KCNC4: variants seen among roughly 807,000 people sequenced by gnomAD.
The protein encoded by KCNC4 is potassium voltage-gated channel subfamily C member 4.
Under a neutral mutation model 42.8 loss-of-function variants are expected in KCNC4, and 23 were observed. The ratio of observed to expected loss-of-function variants is 0.54; its 90% CI spans 0.39 to 0.76. KCNC4 has a LOEUF of 0.76. Among genes scored for constraint, KCNC4 ranks in the 30% least tolerant of loss-of-function variants. KCNC4 has a pLI of 0.00. For missense variants in KCNC4, 751 were observed against 898.2 expected (o/e 0.84, Z 2.10); for synonymous variants, 422 against 393.5 (o/e 1.07, Z -0.86).
chr1:110,217,694 C>G (rs937277271), intron 1 of KCNC4, among the ~76,000 whole-genome samples: 1 of 152,170 alleles, frequency 6.6e-6, no homozygotes, highest in Non-Finnish European at 1.5e-5. Context: ...GTTCTGGACA[C>G]TGGGACCAGA....
Position 110,260,753 on chromosome 1 carries a change from A to G in KCNC4, n.31-21781A>G, listed in dbSNP as rs547612722. On this transcript the variant is annotated intron_variant and non_coding_transcript_variant, in intron 1 of 2. Coordinates refer to the KCNC4 transcript ENST00000412512. ...AGACAATCCTGGCTAACACGGTGAAACCCCATCTCTACTAAAAATACAAAA... is the reference window on the plus strand; with the variant it reads ...AGACAATCCTGGCTAACACGGTGAAGCCCCATCTCTACTAAAAATACAAAA... Among the ~76,000 whole-genome samples the G allele has an allele frequency of 1.4e-4, 22 of 152,256 alleles. No individual in the cohort carries two copies. In the East Asian group the frequency reaches 4.2e-3, roughly 29 times the overall value.
chr1:110,253,047 G>A (rs1293630110), downstream of KCNC4, among the ~76,000 whole-genome samples: 2 of 151,978 alleles, frequency 1.3e-5, no homozygotes, highest in Admixed American at 1.3e-4. Context: ...CTTTTGCTAG[G>A]TCTCCTCCAC....
intron 2 of KCNC4, chr1:110,224,204 G>A (rs1175598134): frequency 8.6e-6 from 3 of 350,714 alleles, no homozygotes; most frequent in East Asian, 9.5e-5. Context: ...CCACTGTGCT[G>A]TGTGCCCTGA....
At chr1:110,249,389 TGAGGA>T (rs1659213240), downstream of KCNC4, among the ~76,000 whole-genome samples, 2 of 152,214 alleles carry the variant, frequency 1.3e-5, 1 homozygote, top group Admixed American at 1.3e-4. Flanking sequence ...GCAAATTCCT[TGAGGA>T]GAGAAGCTGT....
At chr1:110,231,631 G>A (rs1425735811) in intron 3 of KCNC4, among the ~76,000 whole-genome samples, 1 of 152,194 alleles carries the variant, frequency 6.6e-6, no homozygotes. Flanking sequence ...GTCCCCTAAT[G>A]AGTGGGGATC....
chr1:110,236,578 A>G (rs141222911), downstream of KCNC4: 102 of 152,364 alleles, frequency 6.7e-4, no homozygotes, highest in African/African-American at 2.4e-3. Context: ...CACCCCACAC[A>G]CACATAAAGC....
chr1:110,220,552 TCA>T (rs1200191195), intron 1 of KCNC4: 4 of 142,610 alleles, frequency 2.8e-5, no homozygotes, highest in Non-Finnish European at 6.1e-5. Flanking sequence ...AACTTCACGC[TCA>T]GTTTCCCAGG....
intron 1 of KCNC4, among the ~76,000 whole-genome samples, chr1:110,280,898 G>T (rs1391791201): frequency 6.6e-6 from 1 of 152,124 alleles, no homozygotes. Flanking sequence ...CCAAATTGCT[G>T]TGTCACATTC....
chr1:110,231,550 A>T (rs981647491), intron 3 of KCNC4, among the ~76,000 whole-genome samples: 5 of 152,042 alleles, frequency 3.3e-5, no homozygotes, highest in Non-Finnish European at 5.9e-5. Flanking sequence ...TAGACCCCTC[A>T]GTAGCCCAGG....
rs1659142332 is a variant in KCNC4 at position 110,246,222 on chromosome 1, CAGA to C, written c.*13916_*13918del. ...TCATCTTGCAGCCTTTTCCAGATCC[CAGA>C]AGGAGTCTTTACTCCATCCTGACCT... On this transcript the variant is annotated 3_prime_UTR_variant, in exon 4 of 4. Transcript: ENST00000369787. The C allele has an allele frequency of 5.9e-5, 9 of 152,342 alleles. No individual in the cohort carries two copies. In the Middle Eastern group the frequency reaches 0.02, roughly 345 times the overall value. 9.4% of individuals were successfully genotyped at this position (152,342 alleles called of 1,614,324 possible).
downstream of KCNC4, among the ~76,000 whole-genome samples, chr1:110,251,154 C>A (rs1659243784): frequency 6.6e-6 from 1 of 152,270 alleles, no homozygotes; most frequent in East Asian, 1.9e-4. Flanking sequence ...GCCCCAACAT[C>A]ACTGCATGCT....
downstream of KCNC4, among the ~76,000 whole-genome samples, chr1:110,252,629 C>T (rs1296005287): frequency 2.0e-5 from 3 of 152,196 alleles, no homozygotes; most frequent in Non-Finnish European, 4.4e-5. Context: ...CCCTGCCTCC[C>T]GAGAATGGCT....
At chr1:110,217,324 A>G (rs1657851288) in intron 1 of KCNC4, among the ~76,000 whole-genome samples, 1 of 152,170 alleles carries the variant, frequency 6.6e-6, no homozygotes, top group Non-Finnish European at 1.5e-5. Flanking sequence ...CTAGAAGTTG[A>G]ATTGGGTGGG....
chr1:110,223,135 A>C lies in KCNC4; in HGVS notation c.850A>C (p.Ile284Leu). The C allele has an allele frequency of 6.2e-7, 1 of 1,614,184 alleles. No individual in the cohort carries two copies. Among genetic ancestry groups the C allele is most frequent in the Non-Finnish European group, 8.5e-7 (1 of 1,180,022 alleles). The change falls in exon 2 of 4, where the codon ATC becomes CTC. Residue 284 changes from isoleucine to leucine, a missense_variant. Ile to Leu is a conservative substitution (Grantham distance 5). This residue lies in a region of KCNC4 where 181 missense variants were observed against 167.3 expected (regional missense o/e 1.08). Coordinates refer to ENST00000438661, the MANE Select transcript of KCNC4 (RefSeq NM_001039574.3). This position sits in a 1 kb window ranked among gnomAD's most constrained non-coding sequence, Gnocchi z 7.5. Reference protein sequence around the residue: ...EVETEPILTYIEGVCVLWFTL... With the variant: ...EVETEPILTYLEGVCVLWFTL... ...AGAGACAGAGCCCATCCTGACCTAC[A>C]TCGAGGGCGTATGTGTGCTGTGGTT...
At chr1:110,219,112 C>T (rs766411855) in intron 1 of KCNC4, among the ~76,000 whole-genome samples, 9 of 152,202 alleles carry the variant, frequency 5.9e-5, no homozygotes, top group Non-Finnish European at 1.0e-4. Context: ...AGCACTCCTC[C>T]CTGGGCCTCA....
rs551622995 is a variant in KCNC4 at position 110,263,825 on chromosome 1, G to C, written n.31-18709G>C. Among the ~76,000 whole-genome samples, 43 of 72,280 alleles carry C rather than the reference G, an allele frequency of 5.9e-4. No homozygotes were observed. The East Asian group carries it at 0.014, about 23-fold the overall frequency. The allele number at this position is 72,280 out of a possible 152,430, so 47.4% of individuals were successfully genotyped here. On this transcript the variant is annotated intron_variant and non_coding_transcript_variant, in intron 1 of 2. Transcript: ENST00000412512. Reference sequence around the variant, plus strand: ...CAATCTCTAGCAAGCTTTCAGTGAGGGGGGGGAGCTGAATGGGGGTCTCCA... The same window carrying C: ...CAATCTCTAGCAAGCTTTCAGTGAGCGGGGGGAGCTGAATGGGGGTCTCCA...
intron 1 of KCNC4, among the ~76,000 whole-genome samples, chr1:110,280,314 ATTCTGCGTGC>A (rs1315780773): frequency 2.0e-5 from 3 of 152,026 alleles, no homozygotes; most frequent in Non-Finnish European, 2.9e-5. Context: ...AAACAGAGAG[ATTCTGCGTGC>A]TTGTGCTTGG....
chr1:110,257,129 T>G (rs536486043), intron 1 of KCNC4, among the ~76,000 whole-genome samples: 2 of 152,352 alleles, frequency 1.3e-5, no homozygotes, highest in South Asian at 4.1e-4. Context: ...TCCAAGTTAT[T>G]TTTAGAAGAA....
intron 1 of KCNC4, among the ~76,000 whole-genome samples, chr1:110,276,749 A>G (rs1659733318): frequency 6.6e-6 from 1 of 152,204 alleles, no homozygotes; most frequent in African/African-American, 2.4e-5. Context: ...CAGAGAGAGC[A>G]GGACATTTTG....
Sources: allele counts gnomAD v4.1 joint callset (sites outside exome capture counted in the v4.1 genomes callset), GRCh38; gene constraint gnomAD v4.1.1; regional missense constraint gnomAD v4.1.1; non-coding constraint Gnocchi (gnomAD v3.1); transcripts MANE v1.5; gene names NCBI Gene and HGNC (gene_info 2026-07-23, HGNC 2026-07-21).